Variants in NCOA2 observed in about 807,000 individuals in gnomAD.
The protein encoded by NCOA2 is class E basic helix-loop-helix protein 75.
Under a neutral mutation model 145.1 loss-of-function variants are expected in NCOA2, and 21 were observed. That is an observed-to-expected ratio of 0.14 (90% CI 0.10 to 0.21). The LOEUF (loss-of-function observed/expected upper bound fraction) is 0.21, where lower values mean the gene tolerates loss of function less well. NCOA2 is among the 10% of genes least tolerant of loss of function. The probability of loss-of-function intolerance (pLI) is 1.00; values close to 1 mark genes in which losing one functional copy is unlikely to be tolerated. For missense variants in NCOA2, 1,472 were observed against 1,837.6 expected, an observed-to-expected ratio of 0.80 and a Z score of 3.64; for synonymous variants, 619 against 637.5, an observed-to-expected ratio of 0.97 and a Z score of 0.44.
the NCOA2 span, among the ~76,000 whole-genome samples, chr8:70,426,526 G>A: frequency 6.6e-6 from 1 of 152,206 alleles, no homozygotes; most frequent in Admixed American, 6.5e-5. Context: ...CATGCTTTAA[G>A]TTAAAGGCAG....
intron 21 of NCOA2, 95 bp downstream of exon 21, chr8:70,123,789 G>T: frequency 2.8e-6 from 3 of 1,057,760 alleles, no homozygotes; most frequent in Non-Finnish European, 3.9e-6. Context: ...GGAGTTGGTG[G>T]CTAAAGTCAG....
At chr8:70,419,903 T>C in the NCOA2 span, among the ~76,000 whole-genome samples, 3 of 152,232 alleles carry the variant, frequency 2.0e-5, no homozygotes, top group African/African-American at 7.2e-5. Flanking sequence ...GATTTAGGTA[T>C]AATGCTATAG....
chr8:70,384,607 T>C (rs188690927), intron 1 of NCOA2, among the ~76,000 whole-genome samples: 14 of 152,346 alleles, frequency 9.2e-5, no homozygotes, highest in Non-Finnish European at 1.3e-4. Context: ...ATGTGAATTT[T>C]ATATACTATA....
At chr8:70,148,180 A>C (rs1811318502) in intron 12 of NCOA2, 93 bp downstream of exon 12, 1 of 1,273,674 alleles carries the variant, frequency 7.9e-7, no homozygotes, top group Admixed American at 1.7e-5. Context: ...CCTTAAAGTG[A>C]CTAAGCTGGT....
intron 2 of NCOA2, among the ~76,000 whole-genome samples, chr8:70,222,735 CA>C (rs1015772366): frequency 3.3e-4 from 50 of 152,302 alleles, no homozygotes; most frequent in African/African-American, 1.2e-3. Flanking sequence ...TCACTGGTTA[CA>C]CAAATATTTT....
intron 2 of NCOA2, among the ~76,000 whole-genome samples, chr8:70,224,232 T>G (rs532350603): frequency 2.6e-5 from 4 of 152,350 alleles, no homozygotes; most frequent in Admixed American, 2.6e-4. Context: ...ATTATGAAGC[T>G]ATTAAATAAG....
intron 1 of NCOA2, among the ~76,000 whole-genome samples, chr8:70,366,718 A>T (rs1810723317): frequency 6.6e-6 from 1 of 151,190 alleles, no homozygotes; most frequent in Non-Finnish European, 1.5e-5. Context: ...AAACCATTGT[A>T]TAAAATTAAG....
the NCOA2 span, among the ~76,000 whole-genome samples, chr8:70,452,294 T>C: frequency 1.3e-5 from 2 of 152,150 alleles, no homozygotes; most frequent in Admixed American, 1.3e-4. Context: ...ATTGTAATAG[T>C]CAGTTCTCCA....
intron 2 of NCOA2, among the ~76,000 whole-genome samples, chr8:70,262,135 G>A (rs568336416): frequency 7.2e-5 from 11 of 152,124 alleles, no homozygotes; most frequent in African/African-American, 2.4e-4. Context: ...TGAGACCAGC[G>A]AATATTTATT....
rs181835632 is a variant in NCOA2, at chr8:70,191,292, T to G, written c.260-16433A>C. Among the ~76,000 whole-genome samples the G allele has an allele frequency of 2.0e-4, 31 of 152,332 alleles. No individual in the cohort carries two copies. The East Asian group carries it at 5.4e-3, about 27-fold the overall frequency. On this transcript the variant is annotated intron_variant, in intron 4 of 22. Coordinates refer to ENST00000452400, the MANE Select transcript of NCOA2 (RefSeq NM_006540.4). ...AATAGACAGAAATCAAAGATAAAACTTCTATCAATTTGAAGCCACTGAAGT... is the reference window on the plus strand; with the variant it reads ...AATAGACAGAAATCAAAGATAAAACGTCTATCAATTTGAAGCCACTGAAGT...
intron 1 of NCOA2, among the ~76,000 whole-genome samples, chr8:70,328,953 A>T (rs186030925): frequency 6.6e-6 from 1 of 151,990 alleles, no homozygotes; most frequent in East Asian, 2.0e-4. Flanking sequence ...AAGACCCAGC[A>T]ATTTTTTTTT....
chr8:70,113,781 A>T (rs1172072390), intron 22 of NCOA2, 138 bp from the exon 23 acceptor site: 7 of 820,602 alleles, frequency 8.5e-6, no homozygotes, highest in Admixed American at 2.1e-5. Context: ...GGATGAGTAC[A>T]TTCGATGTGG....
At chr8:70,336,574 C>T (rs1378028405) in intron 1 of NCOA2, among the ~76,000 whole-genome samples, 1 of 151,524 alleles carries the variant, frequency 6.6e-6, no homozygotes, top group Non-Finnish European at 1.5e-5. Context: ...GGAAGCAAGG[C>T]ACATCTTACA....
chr8:70,189,588 G>A (rs966137347), intron 4 of NCOA2, among the ~76,000 whole-genome samples: 1 of 152,218 alleles, frequency 6.6e-6, no homozygotes, highest in Non-Finnish European at 1.5e-5. Flanking sequence ...CACATGGGAC[G>A]AGGAATTTTA....
intron 1 of NCOA2, among the ~76,000 whole-genome samples, chr8:70,326,960 C>T (rs1175624090): frequency 6.6e-6 from 1 of 152,206 alleles, no homozygotes; most frequent in African/African-American, 2.4e-5. Context: ...CTAGAGATCA[C>T]ACTAAGGACA....
intron 22 of NCOA2, among the ~76,000 whole-genome samples, chr8:70,114,545 T>C (rs1806870931): frequency 6.6e-6 from 1 of 152,246 alleles, no homozygotes; most frequent in Admixed American, 6.5e-5. Context: ...GGTGCTGGGA[T>C]ATATCCACAA....
At chr8:70,441,197 T>A in the NCOA2 span, among the ~76,000 whole-genome samples, 2 of 137,350 alleles carry the variant, frequency 1.5e-5, no homozygotes, top group South Asian at 2.2e-4. Flanking sequence ...TTTAACAGGG[T>A]CATGGTCACA....
chr8:70,380,045 G>A (rs1812052547), intron 1 of NCOA2, among the ~76,000 whole-genome samples: 2 of 152,102 alleles, frequency 1.3e-5, no homozygotes, highest in South Asian at 4.1e-4. Flanking sequence ...ATGCAAACAT[G>A]AGTAATTAAC....
chr8:70,451,932 C>T, the NCOA2 span, among the ~76,000 whole-genome samples: 2 of 152,094 alleles, frequency 1.3e-5, no homozygotes, highest in Admixed American at 1.3e-4. Flanking sequence ...AAAAAGATGA[C>T]TCACTTTTAA....
Sources: allele counts gnomAD v4.1 joint callset (sites outside exome capture counted in the v4.1 genomes callset), GRCh38; gene constraint gnomAD v4.1.1; transcripts MANE v1.5; gene names NCBI Gene and HGNC (gene_info 2026-07-23, HGNC 2026-07-21).